The following LAMA2 variants were observed in gnomAD, a reference collection of about 807,000 sequenced individuals.
LAMA2 encodes the protein laminin subunit alpha-2.
LAMA2 carries 269 observed loss-of-function variants against 364.8 expected under a neutral mutation model. The ratio of observed to expected loss-of-function variants is 0.74; its 90% CI spans 0.67 to 0.82. The LOEUF is 0.82. Among genes scored for constraint, LAMA2 ranks in the 40% least tolerant of loss-of-function variants. The pLI, the probability that LAMA2 is intolerant of heterozygous loss-of-function variation, is 0.00. For missense variants in LAMA2, 3,807 were observed against 3,873.2 expected (o/e 0.98, Z 0.45); for synonymous variants, 1,379 against 1,370.6 (o/e 1.01, Z -0.14).
intron 3 of LAMA2, among the ~76,000 whole-genome samples, chr6:129,076,182 A>C (rs1015413447): frequency 6.6e-6 from 1 of 151,808 alleles, no homozygotes; most frequent in East Asian, 1.9e-4. Flanking sequence ...AAGAGACTGT[A>C]CTTAACAGTA....
At chr6:128,976,577 CTT>C (rs1275319135) in intron 1 of LAMA2, among the ~76,000 whole-genome samples, 13 of 152,278 alleles carry the variant, frequency 8.5e-5, no homozygotes, top group Non-Finnish European at 1.6e-4. Context: ...AAATTTTTCT[CTT>C]TGAGAGAAGA....
At chr6:129,241,694 T>C (rs1682281455) in intron 12 of LAMA2, among the ~76,000 whole-genome samples, 1 of 152,142 alleles carries the variant, frequency 6.6e-6, no homozygotes. Context: ...TATATATGAC[T>C]CCAATATTAA....
chr6:129,159,091 T>C, intron 8 of LAMA2: 2 of 1,577,394 alleles, frequency 1.3e-6, no homozygotes. Context: ...AGGCTCCCAA[T>C]AATCTGATGT....
chr6:128,950,009 A>G (rs934963223), intron 1 of LAMA2, among the ~76,000 whole-genome samples: 3 of 152,322 alleles, frequency 2.0e-5, no homozygotes, highest in South Asian at 4.1e-4. Flanking sequence ...TTGATTCTAA[A>G]CAAATATATG....
intron 56 of LAMA2, chr6:129,490,761 T>A (rs1254807123): frequency 1.3e-5 from 2 of 152,126 alleles, no homozygotes; most frequent in African/African-American, 4.8e-5. Flanking sequence ...GCCAACACAT[T>A]TTTCCATAGT....
chr6:129,452,429 C>G (rs1782724898), intron 45 of LAMA2, among the ~76,000 whole-genome samples: 2 of 152,100 alleles, frequency 1.3e-5, no homozygotes, highest in South Asian at 4.1e-4. Context: ...ACAATTTATT[C>G]TGAAATGTAT....
At chr6:129,066,298 G>A (rs1359336716) in intron 3 of LAMA2, among the ~76,000 whole-genome samples, 1 of 151,576 alleles carries the variant, frequency 6.6e-6, no homozygotes, top group Non-Finnish European at 1.5e-5. Flanking sequence ...GCCCGCCTCG[G>A]CCTCCCAAAG....
chr6:129,102,654 C>T (rs1189997228), intron 4 of LAMA2, among the ~76,000 whole-genome samples: 3 of 151,854 alleles, frequency 2.0e-5, no homozygotes, highest in African/African-American at 7.3e-5. Flanking sequence ...TCTGCTGATT[C>T]TTTTTATGCT....
At chr6:129,121,136 T>C (rs1776782584) in intron 4 of LAMA2, among the ~76,000 whole-genome samples, 1 of 152,182 alleles carries the variant, frequency 6.6e-6, no homozygotes. Flanking sequence ...TCCTTCTCCA[T>C]TGTCCCGCAC....
At chr6:128,943,660 A>G (rs181296006) in intron 1 of LAMA2, among the ~76,000 whole-genome samples, 63 of 152,290 alleles carry the variant, frequency 4.1e-4, no homozygotes, top group African/African-American at 1.5e-3. Context: ...CCGTTTGCTA[A>G]CTTATCAGAG....
At chr6:128,922,250 A>G (rs1197861255) in intron 1 of LAMA2, among the ~76,000 whole-genome samples, 39 of 150,904 alleles carry the variant, frequency 2.6e-4, no homozygotes, top group African/African-American at 9.5e-4. Context: ...GTCAAATGGT[A>G]TTTCTAGTTC....
At chr6:128,921,420 G>A (rs889083517) in intron 1 of LAMA2, among the ~76,000 whole-genome samples, 6 of 152,122 alleles carry the variant, frequency 3.9e-5, no homozygotes, top group African/African-American at 1.2e-4. Flanking sequence ...TGCAAATAGG[G>A]TCTTTGCAAA....
At position 129,314,629 on chromosome 6, in the gene LAMA2, T is replaced by G. The variant is rs1774459695; in HGVS notation, c.3412-26T>G. 3 of 1,612,048 alleles carry G rather than the reference T, an allele frequency of 1.9e-6. No homozygotes were observed. The East Asian group carries it at 6.7e-5, about 36-fold the overall frequency. ...CTCCCCTAACTTTGCCGTTATAAACTCTGAGGGTCTCTTGTCTTTCCTCAG... is the reference window on the plus strand; with the variant it reads ...CTCCCCTAACTTTGCCGTTATAAACGCTGAGGGTCTCTTGTCTTTCCTCAG... On this transcript the variant is annotated intron_variant, in intron 23 of 64. Transcript: ENST00000421865.
In LAMA2 at chr6:128,922,953, T is replaced by G. The variant is rs1203483942; in HGVS notation, c.112+39596T>G. Reference sequence around the variant, plus strand: ...GCTAGCCAGTTTTCCCAGCACCATTTATTAAATAGGGAATCCTTTCCGCAT... The same window carrying G: ...GCTAGCCAGTTTTCCCAGCACCATTGATTAAATAGGGAATCCTTTCCGCAT... On this transcript the variant is annotated intron_variant, in intron 1 of 64. Coordinates refer to ENST00000421865, the MANE Select transcript of LAMA2 (RefSeq NM_000426.4). Among the ~76,000 whole-genome samples, 11 of 152,002 alleles carry G rather than the reference T, an allele frequency of 7.2e-5. No individual in the cohort carries two copies. The East Asian group carries it at 1.7e-3, about 24-fold the overall frequency.
chr6:129,008,737 A>C (rs184785323), intron 1 of LAMA2, among the ~76,000 whole-genome samples: 1 of 152,318 alleles, frequency 6.6e-6, no homozygotes, highest in Admixed American at 6.5e-5. Flanking sequence ...TAAATATTCC[A>C]GAAATGGTGA....
At chr6:129,247,178 G>C (rs1490070686) in intron 12 of LAMA2, among the ~76,000 whole-genome samples, 2 of 152,166 alleles carry the variant, frequency 1.3e-5, no homozygotes, top group African/African-American at 2.4e-5. Context: ...GCCTGAGCGT[G>C]GTGGCTCACA....
chr6:129,344,181 G>A (rs1368373756), intron 30 of LAMA2, among the ~76,000 whole-genome samples: 1 of 152,122 alleles, frequency 6.6e-6, no homozygotes, highest in African/African-American at 2.4e-5. Context: ...TGAGTATAAT[G>A]AATTGAAACA....
chr6:129,444,077 A>G (rs990474500), intron 44 of LAMA2, among the ~76,000 whole-genome samples: 8 of 152,318 alleles, frequency 5.3e-5, no homozygotes, highest in African/African-American at 1.9e-4. Context: ...AGAAAAATAA[A>G]GGACAAATAG....
Position 129,516,281 on chromosome 6 carries a change from G to A in LAMA2, c.9303G>A (p.Leu3101=), listed in dbSNP as rs2114948058. The A allele has an allele frequency of 6.2e-7, 1 of 1,614,094 alleles. No individual in the cohort carries two copies. Residue 3101 remains leucine, a synonymous_variant, in exon 65 of 65, where the codon CTG becomes CTA. Transcript: ENST00000421865. ...TCACCAAAGGCACAGGCAAGCCACT[G>A]GAGGTTAATTTTGCCAAGGCCCTGG... ...LKLTKGTGKP[L]EVNFAKALEL...
Sources: allele counts gnomAD v4.1 joint callset (sites outside exome capture counted in the v4.1 genomes callset), GRCh38; gene constraint gnomAD v4.1.1; transcripts MANE v1.5; gene names NCBI Gene and HGNC (gene_info 2026-07-23, HGNC 2026-07-21).